The following APCDD1 variants were observed in gnomAD, a reference collection of about 807,000 sequenced individuals.
APCDD1 encodes the protein protein APCDD1.
Under a neutral mutation model 38.1 loss-of-function variants are expected in APCDD1, and 15 were observed. That is an observed-to-expected ratio of 0.39 (90% confidence interval 0.26 to 0.61). The LOEUF (loss-of-function observed/expected upper bound fraction) is 0.61. Ranked by LOEUF, APCDD1 falls within the 20% of genes least tolerant of loss-of-function variation. The pLI is 0.49. For synonymous variants in APCDD1, 261 were observed against 279.7 expected, an observed-to-expected ratio of 0.93 and a Z score of 0.67; for missense variants, 647 against 696.2, an observed-to-expected ratio of 0.93 and a Z score of 0.79.
chr18:10,461,714 A>G (rs1051508393), intron 1 of APCDD1, among the ~76,000 whole-genome samples: 1 of 152,098 alleles, frequency 6.6e-6, no homozygotes, highest in Admixed American at 6.5e-5. Flanking sequence ...AAGACCAAAA[A>G]CTCACAGCCA....
At position 10,487,830 on chromosome 18, in the gene APCDD1, G is replaced by C. The variant is rs749401498; in HGVS notation, c.1337G>C (p.Gly446Ala). The change falls in exon 5 of 5, where the codon GGG becomes GCG. Residue 446 changes from glycine (G) to alanine (A), a missense_variant. Transcript: ENST00000355285. ...LLFNGQRPSD[G>A]SSPDRPEKRA... is the part of the protein sequence containing the mutation. ...TTCAACGGTCAGAGGCCCAGCGACG[G>C]GTCCAGCCCAGACAGGCCAGAGAAG... The C allele has an allele frequency of 4.3e-6, 7 of 1,613,890 alleles. No individual in the cohort carries two copies. The highest frequency in any genetic ancestry group is 5.1e-6 in the Non-Finnish European group (6 of 1,180,044).
Position 10,472,073 on chromosome 18 carries a change from C to T in APCDD1, c.774+12C>T. 1 of 1,613,002 alleles carries T rather than the reference C, an allele frequency of 6.2e-7. No individual in the cohort carries two copies. Among genetic ancestry groups the T allele is most frequent in the Admixed American group, 1.7e-5 (1 of 60,024 alleles). The stretch of plus-strand genomic sequence containing the variant: ...TGCAGAATGCCAAGGTACCTCAGAG[C>T]TCTGTGTTCTCCTCTTTATTGAGTA... On this transcript the variant is annotated intron_variant, in intron 3 of 4. Coordinates refer to ENST00000355285, the MANE Select transcript of APCDD1 (RefSeq NM_153000.5). This position sits in a 1 kb window ranked among gnomAD's most constrained non-coding sequence, Gnocchi z 6.6.
chr18:10,463,220 A>T (rs905188678), intron 1 of APCDD1, among the ~76,000 whole-genome samples: 1 of 152,006 alleles, frequency 6.6e-6, no homozygotes, highest in Non-Finnish European at 1.5e-5. Context: ...ATGCCTCTCC[A>T]TGAGCCCTCA....
intron 1 of APCDD1, among the ~76,000 whole-genome samples, chr18:10,462,643 CTCCTTCCTTCCTTCCT>C (rs765196609): frequency 0.022 from 352 of 15,794 alleles, 13 homozygotes; most frequent in African/African-American, 0.17. Flanking sequence ...CCTTCCCTCC[CTCCTTCCTTCCTTCCT>C]TCCTTCCTTC....
chr18:10,479,674 T>C (rs2031088977), intron 3 of APCDD1, among the ~76,000 whole-genome samples: 1 of 152,198 alleles, frequency 6.6e-6, no homozygotes, highest in Non-Finnish European at 1.5e-5. Context: ...GTTTGTAAAG[T>C]CATCTGACTT....
chr18:10,456,255 A>T (rs1010327594), intron 1 of APCDD1, among the ~76,000 whole-genome samples: 8 of 152,162 alleles, frequency 5.3e-5, no homozygotes, highest in Non-Finnish European at 1.2e-4. Flanking sequence ...CCAGAATTTT[A>T]ACAGTCGGGA....
At chr18:10,464,522 A>C (rs770915657) in intron 1 of APCDD1, among the ~76,000 whole-genome samples, 25 of 152,200 alleles carry the variant, frequency 1.6e-4, no homozygotes, top group Non-Finnish European at 2.5e-4. Context: ...TTCTGGGCTC[A>C]TGTGATCCTC....
intron 3 of APCDD1, among the ~76,000 whole-genome samples, chr18:10,474,601 C>G (rs16974520): frequency 0.12 from 18,749 of 152,218 alleles, 1,194 homozygotes; most frequent in Middle Eastern, 0.17. Flanking sequence ...TGCACGGGCT[C>G]TGATCTCTTC....
At position 10,475,066 on chromosome 18, in the gene APCDD1, T is replaced by C. The variant is rs2030959129; in HGVS notation, c.774+3005T>C. On this transcript the variant is annotated intron_variant, in intron 3 of 4. Coordinates refer to ENST00000355285, the MANE Select transcript of APCDD1 (RefSeq NM_153000.5). The surrounding 1 kb of genome is among the most constrained non-coding windows in gnomAD (Gnocchi z 4.0). ...AAAATGGCAAAAATATAAGAATCAA[T>C]AGGGTTAATGTGCAGAATCCTGTGG... Among the ~76,000 whole-genome samples, 1 of 152,240 alleles carries C rather than the reference T, an allele frequency of 6.6e-6. No individual in the cohort carries two copies. Among genetic ancestry groups the C allele is most frequent in the South Asian group, 2.1e-4 (1 of 4,826 alleles).
intron 1 of APCDD1, among the ~76,000 whole-genome samples, chr18:10,457,230 G>A (rs2030405681): frequency 6.6e-6 from 1 of 152,184 alleles, no homozygotes; most frequent in South Asian, 2.1e-4. Context: ...GCCATAATTA[G>A]CAAGGATAAT....
intron 1 of APCDD1, among the ~76,000 whole-genome samples, chr18:10,459,133 T>C (rs1167212779): frequency 6.6e-6 from 1 of 152,230 alleles, no homozygotes; most frequent in Non-Finnish European, 1.5e-5. Flanking sequence ...GCCTACTATG[T>C]GCCAAGTGCC....
chr18:10,455,050 G>C lies in APCDD1; in HGVS notation c.58+11G>C. ...CCCTCCTGCTTCACGGTGAGTTCCCGAGGGCCACTCGAGCGCTCCCAGCCG... is the reference window on the plus strand; with the variant it reads ...CCCTCCTGCTTCACGGTGAGTTCCCCAGGGCCACTCGAGCGCTCCCAGCCG... On this transcript the variant is annotated intron_variant, in intron 1 of 4. Coordinates refer to ENST00000355285, the MANE Select transcript of APCDD1 (RefSeq NM_153000.5). 1 of 1,560,994 alleles carries C rather than the reference G, an allele frequency of 6.4e-7. No homozygotes were observed. Among genetic ancestry groups the C allele is most frequent in the East Asian group, 2.4e-5 (1 of 41,588 alleles).
Position 10,485,337 on chromosome 18 carries a change from C to A in APCDD1, c.775-125C>A. The A allele has an allele frequency of 9.8e-7, 1 of 1,024,368 alleles. No homozygotes were observed. The highest frequency in any genetic ancestry group is 1.5e-6 in the Non-Finnish European group (1 of 660,262). The allele number at this position is 1,024,368 out of a possible 1,614,324, so 63.5% of individuals were successfully genotyped here. ...GCCCGGAGCATGATTCCAGTTGGTT[C>A]TTGGTGTCGAGGTTGTCAGTGATGG... On this transcript the variant is annotated intron_variant, in intron 3 of 4. Transcript: ENST00000355285. The surrounding 1 kb of genome is among the most constrained non-coding windows in gnomAD (Gnocchi z 5.8).
intron 1 of APCDD1, among the ~76,000 whole-genome samples, chr18:10,459,988 T>C (rs1040032261): frequency 1.3e-5 from 2 of 152,224 alleles, no homozygotes; most frequent in African/African-American, 4.8e-5. Flanking sequence ...GACATTATAC[T>C]TAGTCCTTTT....
chr18:10,466,751 TAAC>T (rs1361787739), intron 1 of APCDD1, among the ~76,000 whole-genome samples: 1 of 152,188 alleles, frequency 6.6e-6, no homozygotes, highest in African/African-American at 2.4e-5. Context: ...CCATGAATAA[TAAC>T]AACACTAGGC....
At position 10,475,789 on chromosome 18, in the gene APCDD1, G is replaced by T. The variant is rs1216295247; in HGVS notation, c.774+3728G>T. The stretch of plus-strand genomic sequence containing the variant: ...GCCAGCCTAGCTGCCTCGCAAGATG[G>T]CTGAGGGGGGGGGGGGTCAGTGGAA... On this transcript the variant is annotated intron_variant, in intron 3 of 4. Coordinates refer to ENST00000355285, the MANE Select transcript of APCDD1 (RefSeq NM_153000.5). The surrounding 1 kb of genome is among the most constrained non-coding windows in gnomAD (Gnocchi z 4.0). 1.6e-5 allele frequency: 2 copies of T among 123,710 alleles called. No homozygotes were observed. Among genetic ancestry groups the T allele is most frequent in the African/African-American group, 3.5e-5 (1 of 28,914 alleles). The allele number at this position is 123,710 out of a possible 1,614,324, so 7.7% of individuals were successfully genotyped here.
Position 10,485,373 on chromosome 18 carries a change from C to G in APCDD1, c.775-89C>G, listed in dbSNP as rs2031226080. The G allele has an allele frequency of 7.0e-7, 1 of 1,430,288 alleles. No individual in the cohort carries two copies. Among genetic ancestry groups the G allele is most frequent in the Non-Finnish European group, 9.8e-7 (1 of 1,023,724 alleles). The allele number at this position is 1,430,288 out of a possible 1,614,324, so 88.6% of individuals were successfully genotyped here. On this transcript the variant is annotated intron_variant, in intron 3 of 4. Coordinates refer to ENST00000355285, the MANE Select transcript of APCDD1 (RefSeq NM_153000.5). This position sits in a 1 kb window ranked among gnomAD's most constrained non-coding sequence, Gnocchi z 5.8. ...GGTTGTCAGTGATGGTGATCTGGTG[C>G]CTGGTGAGACCCCATTTGCCGGAAG... is the stretch of plus-strand genomic sequence containing the variant.
chr18:10,473,487 A>G (rs2030914365), intron 3 of APCDD1, among the ~76,000 whole-genome samples: 1 of 152,224 alleles, frequency 6.6e-6, no homozygotes, highest in South Asian at 2.1e-4. Context: ...GAAGAGGCCA[A>G]CATGAATTAG....
chr18:10,477,068 G>C (rs1332991056), intron 3 of APCDD1: 1 of 152,308 alleles, frequency 6.6e-6, no homozygotes, highest in Non-Finnish European at 1.5e-5. Context: ...GCTTGGTGTG[G>C]CTCCTGGGTG....
Sources: gnomAD v4.1 joint callset for allele counts (sites outside exome capture counted in the v4.1 genomes callset) on GRCh38, gnomAD v4.1.1 for gene constraint, Gnocchi (gnomAD v3.1) non-coding constraint, MANE v1.5 for transcripts, NCBI Gene and HGNC (gene_info 2026-07-23, HGNC 2026-07-21) for gene names.